Variants in ANKRD13D observed in about 807,000 individuals in gnomAD.
ANKRD13D encodes the protein ankyrin repeat domain-containing protein 13D.
ANKRD13D carries 24 observed loss-of-function variants against 68.8 expected under a neutral mutation model. The ratio of observed to expected loss-of-function variants is 0.35; its 90% CI spans 0.25 to 0.49. ANKRD13D has a LOEUF of 0.49. Ranked by LOEUF, ANKRD13D falls within the 20% of genes least tolerant of loss-of-function variation. The probability of loss-of-function intolerance (pLI) is 0.99; values close to 1 mark genes in which losing one functional copy is unlikely to be tolerated. For synonymous variants in ANKRD13D, 331 were observed against 336.1 expected (o/e 0.98, Z 0.16); for missense variants, 735 against 832.1 (o/e 0.88, Z 1.44).
intron 6 of ANKRD13D, among the ~76,000 whole-genome samples, chr11:67,295,865 T>C (rs1257704138): frequency 6.6e-6 from 1 of 152,180 alleles, no homozygotes; most frequent in African/African-American, 2.4e-5. Context: ...TAGTTGTGAG[T>C]TTTTGGTAGA....
In ANKRD13D at chr11:67,289,455, C is replaced by G. The variant is rs1217789173; in HGVS notation, c.-6C>G. Reference sequence around the variant, plus strand: ...GCGGGGCCGGGATGCGGCGCTGAGGCCCAGCATGGCCGGCCCGGGCCCCAC... The same window carrying G: ...GCGGGGCCGGGATGCGGCGCTGAGGGCCAGCATGGCCGGCCCGGGCCCCAC... On this transcript the variant is annotated 5_prime_UTR_variant, in exon 1 of 15. Coordinates refer to ENST00000511455, the MANE Select transcript of ANKRD13D (RefSeq NM_207354.3). 1.3e-6 allele frequency: 2 copies of G among 1,483,494 alleles called. No individual in the cohort carries two copies. The highest frequency in any genetic ancestry group is 8.9e-7 in the Non-Finnish European group (1 of 1,124,502). The allele number at this position is 1,483,494 out of a possible 1,614,324, so 91.9% of individuals were successfully genotyped here.
chr11:67,301,390 C>G lies in ANKRD13D; in HGVS notation c.1340C>G (p.Ala447Gly). ...VWVPAPSSAV[A>G]ASGNPFPCEV... is the part of the protein sequence containing the mutation. The stretch of plus-strand genomic sequence containing the variant: ...GTGCCGGCCCCCAGCTCTGCTGTTG[C>G]CGCATCAGGTACCCCAACGGGAGGA... Residue 447 changes from alanine to glycine, a missense_variant, in exon 12 of 15, where the codon GCC (alanine) becomes GGC (glycine). Coordinates refer to ENST00000511455, the MANE Select transcript of ANKRD13D (RefSeq NM_207354.3). The surrounding 1 kb of genome is among the most constrained non-coding windows in gnomAD (Gnocchi z 4.5). 6.2e-7 allele frequency: 1 copy of G among 1,611,068 alleles called. No individual in the cohort carries two copies. The highest frequency in any genetic ancestry group is 8.5e-7 in the Non-Finnish European group (1 of 1,178,564).
Position 67,291,700 on chromosome 11 carries a change from C to G in ANKRD13D, c.495C>G (p.His165Gln). The change falls in exon 5 of 15, where the codon CAC (histidine) becomes CAG (glutamine). Residue 165 changes from histidine (H) to glutamine (Q), a missense_variant. Coordinates refer to ENST00000511455, the MANE Select transcript of ANKRD13D (RefSeq NM_207354.3). Reference protein sequence around the residue: ...RVDTSLLGFEHMTWQRGRRSF... With the variant: ...RVDTSLLGFEQMTWQRGRRSF... ...ACACCAGTCTCCTGGGCTTCGAGCA[C>G]ATGACCTGGCAGCGGGGCCGGAGGA... 6.2e-7 allele frequency: 1 copy of G among 1,614,120 alleles called. No homozygotes were observed. Among genetic ancestry groups the G allele is most frequent in the Non-Finnish European group, 8.5e-7 (1 of 1,180,038 alleles).
At chr11:67,302,013 C>T (rs1861027587) in intron 14 of ANKRD13D, 106 bp from the exon 15 acceptor site, 6 of 1,404,966 alleles carry the variant, frequency 4.3e-6, no homozygotes, top group Admixed American at 2.7e-5. Context: ...CTGCTTGCCA[C>T]CCTGTCTTTG....
intron 3 of ANKRD13D, chr11:67,290,841 T>C (rs981779864): frequency 1.0e-5 from 2 of 196,512 alleles, no homozygotes; most frequent in African/African-American, 4.6e-5. Flanking sequence ...AGGAGCAGGC[T>C]CGGAGGGAGC....
chr11:67,299,141 G>A lies in ANKRD13D; in HGVS notation c.798+17G>A, dbSNP rs1399633498. The A allele has an allele frequency of 1.9e-6, 3 of 1,608,396 alleles. No homozygotes were observed. Among genetic ancestry groups the A allele is most frequent in the South Asian group, 1.1e-5 (1 of 90,948 alleles). ...GAGGCCAAGGCAGGAGAGGCTAGGG[G>A]TGGGGGGCTGGGGGTAGGAGATGAG... On this transcript the variant is annotated intron_variant, in intron 7 of 14. Transcript: ENST00000511455. The surrounding 1 kb of genome is among the most constrained non-coding windows in gnomAD (Gnocchi z 6.2).
chr11:67,300,025 C>T lies in ANKRD13D; in HGVS notation c.975C>T (p.Asn325=). The change falls in exon 10 of 15, where the codon AAC becomes AAT. Residue 325 remains asparagine, a synonymous_variant. Transcript: ENST00000511455. The surrounding 1 kb of genome is among the most constrained non-coding windows in gnomAD (Gnocchi z 4.3). ...APVQQAASPT[N]PTAISPEEYF... The stretch of plus-strand genomic sequence containing the variant: ...TGCAGCAGGCAGCCAGCCCCACCAA[C>T]CCCACAGCCATCTCCCCTGAGGAGT... 1 of 1,613,742 alleles carries T rather than the reference C, an allele frequency of 6.2e-7. No individual in the cohort carries two copies. Among genetic ancestry groups the T allele is most frequent in the Non-Finnish European group, 8.5e-7 (1 of 1,179,796 alleles).
In ANKRD13D at chr11:67,300,831, C is replaced by T; in HGVS notation, c.1074-159C>T. 1 of 924,118 alleles carries T rather than the reference C, an allele frequency of 1.1e-6. No homozygotes were observed. Among genetic ancestry groups the T allele is most frequent in the Non-Finnish European group, 1.6e-6 (1 of 632,902 alleles). The allele number at this position is 924,118 out of a possible 1,614,324, so 57.2% of individuals were successfully genotyped here. A position where few individuals can be genotyped will look rare whatever the true frequency, so the allele number is the denominator to read the frequency against. ...CAGCTTGGGCCACGTGGCCAGGACA[C>T]CAGCTCCCGGGGGAGGCGGGCAGCG... On this transcript the variant is annotated intron_variant, in intron 10 of 14. Transcript: ENST00000511455. The surrounding 1 kb of genome is among the most constrained non-coding windows in gnomAD (Gnocchi z 4.3).
chr11:67,289,750 C>T, intron 1 of ANKRD13D, 200 bp downstream of exon 1: 1 of 1,415,890 alleles, frequency 7.1e-7, no homozygotes, highest in Non-Finnish European at 9.2e-7. Flanking sequence ...TGCGCTGGGC[C>T]TTGCCCTGCT....
At chr11:67,289,963 C>G (rs1470012555) in intron 1 of ANKRD13D, 115 bp from the exon 2 acceptor site, 2 of 1,460,170 alleles carry the variant, frequency 1.4e-6, no homozygotes, top group African/African-American at 2.8e-5. Context: ...TGCCATCTCC[C>G]TGGTCAGTCC....
intron 5 of ANKRD13D, 79 bp downstream of exon 5, chr11:67,291,825 C>T: frequency 1.9e-6 from 3 of 1,562,920 alleles, no homozygotes; most frequent in Non-Finnish European, 2.6e-6. Flanking sequence ...TGCCTTTTCT[C>T]TCCACTTTCC....
Position 67,299,506 on chromosome 11 carries a change from C to T in ANKRD13D, c.799-24C>T, listed in dbSNP as rs866792850. On this transcript the variant is annotated intron_variant, in intron 7 of 14. Transcript: ENST00000511455. This position sits in a 1 kb window ranked among gnomAD's most constrained non-coding sequence, Gnocchi z 6.2. ...TGGGGAGCAGGCTCTGAGCCCCCAG[C>T]TCCCCGTGTCCCCTGCTCCCCAGGT... The T allele has an allele frequency of 6.5e-6, 10 of 1,545,356 alleles. No individual in the cohort carries two copies. In the South Asian group the frequency reaches 1.1e-4, roughly 17 times the overall value.
Position 67,302,194 on chromosome 11 carries a change from C to T in ANKRD13D, c.1680C>T (p.Pro560=), listed in dbSNP as rs761730175. 8 of 1,592,352 alleles carry T rather than the reference C, an allele frequency of 5.0e-6. No homozygotes were observed. The highest frequency in any genetic ancestry group is 2.3e-5 in the South Asian group (2 of 87,764). The change falls in exon 15 of 15, where the codon CCC becomes CCT. Residue 560 remains proline (P), a synonymous_variant. Transcript: ENST00000511455. ...PGSPPRTPPA[P]GPPSFEEQLR... ...CCCCTCCCAGGACACCCCCAGCCCCCGGTCCACCCAGCTTTGAAGAGCAGC... is the reference window on the plus strand; with the variant it reads ...CCCCTCCCAGGACACCCCCAGCCCCTGGTCCACCCAGCTTTGAAGAGCAGC...
intron 6 of ANKRD13D, chr11:67,298,063 T>C (rs1321098296): frequency 9.6e-5 from 2 of 20,932 alleles, no homozygotes; most frequent in East Asian, 3.9e-3. Context: ...TTTCTTTTTT[T>C]TTTTTTTTTT....
At position 67,300,953 on chromosome 11, in the gene ANKRD13D, G is replaced by T. The variant is rs1423457058; in HGVS notation, c.1074-37G>T. ...GCAGTCCTCAATGGAAGGGCCACCA[G>T]CCGTGCCTCACCCATGTCCTGTGGT... On this transcript the variant is annotated intron_variant, in intron 10 of 14. Transcript: ENST00000511455. The surrounding 1 kb of genome is among the most constrained non-coding windows in gnomAD (Gnocchi z 4.3). 6.2e-7 allele frequency: 1 copy of T among 1,610,114 alleles called. No individual in the cohort carries two copies. The highest frequency in any genetic ancestry group is 1.1e-5 in the South Asian group (1 of 90,758).
intron 3 of ANKRD13D, 97 bp from the exon 4 acceptor site, chr11:67,291,379 C>T (rs1446244747): frequency 8.3e-6 from 8 of 966,304 alleles, no homozygotes; most frequent in African/African-American, 3.4e-5. Context: ...AAAAAAAGAC[C>T]TGATGAAGGG....
rs1270747346 is a variant in ANKRD13D, at chr11:67,291,739, G to A, written c.534G>A (p.Lys178=). 1.2e-6 allele frequency: 2 copies of A among 1,613,898 alleles called. No individual in the cohort carries two copies. The highest frequency in any genetic ancestry group is 1.7e-6 in the Non-Finnish European group (2 of 1,180,022). Residue 178 remains lysine, a synonymous_variant, in exon 5 of 15, where the codon AAG becomes AAA. Transcript: ENST00000511455. ...GGGGCCGGAGGAGCTTCATCTTCAA[G>A]GGCCAGGGTGAGCTCTGGACAAACT... The part of the protein sequence containing the change: ...WQRGRRSFIF[K]GQEAGALVME...
rs922922198 is a variant in ANKRD13D, at chr11:67,299,115, C to G, written c.789C>G (p.Tyr263Ter). ...RSEKMETVSG[Y>*]EAKVYSATNV... is the part of the protein sequence containing the mutation. The stretch of plus-strand genomic sequence containing the variant: ...AGAAGATGGAAACTGTTAGCGGCTA[C>G]GAGGCCAAGGCAGGAGAGGCTAGGG... Residue 263 changes from tyrosine to a stop codon, truncating the protein, a stop_gained, in exon 7 of 15, where the codon TAC becomes TAG. Coordinates refer to ENST00000511455, the MANE Select transcript of ANKRD13D (RefSeq NM_207354.3). LOFTEE classifies it high-confidence loss of function. The surrounding 1 kb of genome is among the most constrained non-coding windows in gnomAD (Gnocchi z 6.2). 2 of 1,570,076 alleles carry G rather than the reference C, an allele frequency of 1.3e-6. No individual in the cohort carries two copies. Among genetic ancestry groups the G allele is most frequent in the Non-Finnish European group, 1.7e-6 (2 of 1,143,174 alleles).
chr11:67,291,921 T>A (rs909294424), intron 5 of ANKRD13D, 70 bp from the exon 6 acceptor site: 7 of 1,524,310 alleles, frequency 4.6e-6, no homozygotes, highest in African/African-American at 1.4e-5. Flanking sequence ...GGGTACATGA[T>A]CGCCCTCTCT....
Sources: allele counts gnomAD v4.1 joint callset (sites outside exome capture counted in the v4.1 genomes callset), GRCh38; gene constraint gnomAD v4.1.1; non-coding constraint Gnocchi (gnomAD v3.1); transcripts MANE v1.5; gene names NCBI Gene and HGNC (gene_info 2026-07-23, HGNC 2026-07-21).